The following CNBD2 variants were observed in gnomAD, a reference collection of about 807,000 sequenced individuals.
CNBD2 encodes the protein cyclic nucleotide binding domain containing 2, also known as cyclic nucleotide-binding domain-containing protein 2.
Under a neutral mutation model 63.7 loss-of-function variants are expected in CNBD2, and 64 were observed. That is an observed-to-expected ratio of 1.00 (90% CI 0.82 to 1.24). CNBD2 has a LOEUF of 1.24. Among genes scored for constraint, CNBD2 ranks in the 50% most tolerant of loss-of-function variants. The pLI, the probability that CNBD2 is intolerant of heterozygous loss-of-function variation, is 0.00. For synonymous variants in CNBD2, 229 were observed against 255.4 expected (o/e 0.90, Z 0.99); for missense variants, 691 against 713.5 (o/e 0.97, Z 0.36).
Position 35,999,137 on chromosome 20 carries a change from T to C in CNBD2, c.970+3985T>C, listed in dbSNP as rs1213845742. Reference sequence around the variant, plus strand: ...CTTCTTTTGATTTAGTGTAGCTTCCTCTTGATTAGTATTAGTTTGGTATAT... The same window carrying C: ...CTTCTTTTGATTTAGTGTAGCTTCCCCTTGATTAGTATTAGTTTGGTATAT... On this transcript the variant is annotated intron_variant, in intron 8 of 11. Coordinates refer to ENST00000373973, the MANE Select transcript of CNBD2 (RefSeq NM_001365709.1). 2.0e-5 allele frequency among the ~76,000 whole-genome samples: 3 copies of C among 152,304 alleles called. No homozygotes were observed. In the East Asian group the frequency reaches 5.8e-4, roughly 29 times the overall value.
At chr20:35,996,231 A>T (rs1012079219) in intron 8 of CNBD2, among the ~76,000 whole-genome samples, 2 of 152,206 alleles carry the variant, frequency 1.3e-5, no homozygotes, top group African/African-American at 4.8e-5. Context: ...TATAAGCTCT[A>T]TGAAGGCTTT....
chr20:35,987,938 TGGCTCACTGCAACCTCTGCCTCCTGG>T (rs2056691342), intron 7 of CNBD2, among the ~76,000 whole-genome samples: 2 of 152,334 alleles, frequency 1.3e-5, no homozygotes, highest in South Asian at 4.1e-4. Flanking sequence ...GGCACAATCT[TGGCTCACTGCAACCTCTGCCTCCTGG>T]GTTTCAGCAA....
chr20:35,987,473 G>A lies in CNBD2; in HGVS notation c.795G>A (p.Ser265=), dbSNP rs79513483. 877 of 1,614,204 alleles carry A rather than the reference G, an allele frequency of 5.4e-4. No individual in the cohort carries two copies. In the African/African-American group the frequency reaches 6.7e-3, roughly 12 times the overall value. Residue 265 remains serine, a synonymous_variant, in exon 7 of 12, where the codon TCG becomes TCA. Transcript: ENST00000373973. ...CCATGGCGAAGATAGAGAGGTTCTC[G>A]TATGGGCAGCTGATCTCAAAAGATT... The part of the protein sequence containing the change: ...LVAMAKIERF[S]YGQLISKDFG...
chr20:35,984,814 G>A (rs147359801), intron 6 of CNBD2, 36 bp downstream of exon 6: 3 of 1,608,988 alleles, frequency 1.9e-6, no homozygotes, highest in African/African-American at 1.3e-5. Flanking sequence ...TTTTCCCCTT[G>A]TGTGTTTATT....
intron 9 of CNBD2, among the ~76,000 whole-genome samples, chr20:36,010,009 A>G (rs1418393818): frequency 1.3e-5 from 2 of 152,162 alleles, no homozygotes; most frequent in Admixed American, 1.3e-4. Context: ...CAGAGCCAGG[A>G]TTCAAACCTG....
At chr20:35,970,971 G>C (rs1255244789) in intron 1 of CNBD2, among the ~76,000 whole-genome samples, 1 of 140,890 alleles carries the variant, frequency 7.1e-6, no homozygotes, top group East Asian at 2.1e-4. Context: ...TTTTTGAGAC[G>C]GAGTCTCGCT....
chr20:36,019,416 G>T (rs548926391), intron 10 of CNBD2, among the ~76,000 whole-genome samples: 80 of 151,720 alleles, frequency 5.3e-4, no homozygotes, highest in Non-Finnish European at 8.7e-4. Context: ...CCAGCTACTC[G>T]GGAGGCTGAG....
chr20:35,987,392 C>G lies in CNBD2; in HGVS notation c.717-3C>G. On this transcript the variant is annotated splice_polypyrimidine_tract_variant and splice_region_variant and intron_variant, in intron 6 of 11. Coordinates refer to ENST00000373973, the MANE Select transcript of CNBD2 (RefSeq NM_001365709.1). ...GATGAATTCTAACAGGCTCTTCCCA[C>G]AGGAAGATGGAGCTGTTTGCATCAT... The G allele has an allele frequency of 6.2e-7, 1 of 1,614,092 alleles. No homozygotes were observed. The highest frequency in any genetic ancestry group is 1.3e-5 in the African/African-American group (1 of 75,058).
intron 4 of CNBD2, among the ~76,000 whole-genome samples, chr20:35,981,414 C>T (rs1296905423): frequency 6.6e-6 from 1 of 152,002 alleles, no homozygotes; most frequent in Non-Finnish European, 1.5e-5. Context: ...TCACCTGGGC[C>T]ATCTCCTCTT....
intron 10 of CNBD2, among the ~76,000 whole-genome samples, chr20:36,012,838 AAAG>A (rs1199027628): frequency 1.3e-5 from 2 of 151,894 alleles, no homozygotes; most frequent in East Asian, 1.9e-4. Flanking sequence ...AAAAAAAAAA[AAAG>A]AATTCAATTT....
At chr20:36,022,176 G>T (rs993244412) in intron 10 of CNBD2, among the ~76,000 whole-genome samples, 1 of 136,698 alleles carries the variant, frequency 7.3e-6, no homozygotes, top group Admixed American at 7.2e-5. Context: ...CACCATGCCC[G>T]GCTAATTCTT....
chr20:36,004,773 G>T (rs780508023), intron 8 of CNBD2, among the ~76,000 whole-genome samples: 9 of 151,966 alleles, frequency 5.9e-5, no homozygotes, highest in Non-Finnish European at 1.2e-4. Context: ...ATGTTGCTCA[G>T]GCTGGTCTTG....
rs377677937 is a variant in CNBD2, at chr20:35,980,654, G to A, written c.407+32G>A. Reference sequence around the variant, plus strand: ...GAGGGGCACAGCCCTTGGCCACCAGGCTGAGGCTGGACTGAGCAAAAGAGC... The same window carrying A: ...GAGGGGCACAGCCCTTGGCCACCAGACTGAGGCTGGACTGAGCAAAAGAGC... On this transcript the variant is annotated intron_variant, in intron 4 of 11. Coordinates refer to ENST00000373973, the MANE Select transcript of CNBD2 (RefSeq NM_001365709.1). 3.1e-6 allele frequency: 5 copies of A among 1,608,900 alleles called. No individual in the cohort carries two copies. In the African/African-American group the frequency reaches 5.3e-5, roughly 17 times the overall value.
At chr20:35,977,245 A>G (rs1353303893) in intron 3 of CNBD2, among the ~76,000 whole-genome samples, 2 of 152,196 alleles carry the variant, frequency 1.3e-5, no homozygotes, top group African/African-American at 2.4e-5. Flanking sequence ...GTGGTCCTCA[A>G]ATGAATCATG....
Position 35,980,482 on chromosome 20 carries a change from T to C in CNBD2, c.267T>C (p.Ile89=). 6.2e-7 allele frequency: 1 copy of C among 1,614,184 alleles called. No homozygotes were observed. Among genetic ancestry groups the C allele is most frequent in the Non-Finnish European group, 8.5e-7 (1 of 1,180,036 alleles). ...AGGGTCACTTTCCTCCAAAGGCCATTCAGATCATGCAGAAGAAGCCTTCCT... is the reference window on the plus strand; with the variant it reads ...AGGGTCACTTTCCTCCAAAGGCCATCCAGATCATGCAGAAGAAGCCTTCCT... ...AEEGHFPPKA[I]QIMQKKPSWR... The change falls in exon 4 of 12, where the codon ATT becomes ATC. Residue 89 remains isoleucine, a synonymous_variant. Coordinates refer to ENST00000373973, the MANE Select transcript of CNBD2 (RefSeq NM_001365709.1).
upstream of CNBD2, among the ~76,000 whole-genome samples, chr20:35,968,152 A>G (rs149592370): frequency 5.9e-3 from 895 of 152,266 alleles, 11 homozygotes; most frequent in African/African-American, 0.02. Flanking sequence ...ACTTTCAATC[A>G]CATGCAAATT....
intron 8 of CNBD2, among the ~76,000 whole-genome samples, chr20:36,003,381 T>G (rs992067638): frequency 1.3e-5 from 2 of 152,248 alleles, no homozygotes; most frequent in African/African-American, 4.8e-5. Flanking sequence ...TTTTTATTCC[T>G]GTAAATATTT....
At chr20:35,963,836 A>C (rs1226651422), upstream of CNBD2, among the ~76,000 whole-genome samples, 2 of 152,180 alleles carry the variant, frequency 1.3e-5, no homozygotes, top group Admixed American at 6.5e-5. Context: ...CACTAAATAG[A>C]GAATTTTTGA....
intron 6 of CNBD2, among the ~76,000 whole-genome samples, chr20:35,987,137 G>A (rs1358531519): frequency 6.6e-6 from 1 of 152,178 alleles, no homozygotes; most frequent in Non-Finnish European, 1.5e-5. Flanking sequence ...ACAGAGGCTG[G>A]ATCACCCAGG....
Sources: gnomAD v4.1 joint callset for allele counts (sites outside exome capture counted in the v4.1 genomes callset) on GRCh38, gnomAD v4.1.1 for gene constraint, MANE v1.5 for transcripts, NCBI Gene and HGNC (gene_info 2026-07-23, HGNC 2026-07-21) for gene names.